Variants in CAMKMT observed in about 807,000 individuals in gnomAD.
CAMKMT encodes the protein calmodulin-lysine N-methyltransferase, also known as CaM KMT.
CAMKMT carries 53 observed loss-of-function variants against 48.0 expected under a neutral mutation model. The ratio of observed to expected loss-of-function variants is 1.10; its 90% CI spans 0.89 to 1.39. CAMKMT has a LOEUF of 1.39. Ranked by LOEUF, CAMKMT falls within the 40% of genes most tolerant of loss-of-function variation. CAMKMT has a pLI of 0.00. For missense variants in CAMKMT, 428 were observed against 402.7 expected (o/e 1.06, Z -0.54); for synonymous variants, 165 against 152.3 (o/e 1.08, Z -0.61).
chr2:44,742,236 G>A (rs1418354675), intron 7 of CAMKMT, among the ~76,000 whole-genome samples: 5 of 152,138 alleles, frequency 3.3e-5, no homozygotes, highest in Admixed American at 2.0e-4. Flanking sequence ...TGAGAAATCC[G>A]TAAACAACGT....
chr2:44,761,119 G>C (rs1403263157), intron 9 of CAMKMT, among the ~76,000 whole-genome samples: 1 of 152,186 alleles, frequency 6.6e-6, no homozygotes. Context: ...GGCCAACTGG[G>C]GAGGAGGCAC....
intron 10 of CAMKMT, among the ~76,000 whole-genome samples, chr2:44,771,327 C>G (rs956332210): frequency 6.6e-6 from 1 of 151,866 alleles, no homozygotes; most frequent in Non-Finnish European, 1.5e-5. Context: ...TTTTTATTTG[C>G]TAGAATAAAT....
intron 3 of CAMKMT, among the ~76,000 whole-genome samples, chr2:44,447,493 G>A (rs372370874): frequency 6.6e-6 from 1 of 152,102 alleles, no homozygotes; most frequent in Non-Finnish European, 1.5e-5. Context: ...ATAATAAACA[G>A]CCCATCCCCC....
chr2:44,524,439 T>C (rs954304850), intron 3 of CAMKMT, among the ~76,000 whole-genome samples: 56 of 152,176 alleles, frequency 3.7e-4, no homozygotes, highest in Non-Finnish European at 2.9e-5. Flanking sequence ...TTATTATTAT[T>C]GTTTTCCATT....
intron 3 of CAMKMT, among the ~76,000 whole-genome samples, chr2:44,592,420 G>A (rs958393462): frequency 1.3e-5 from 2 of 151,902 alleles, no homozygotes; most frequent in African/African-American, 4.8e-5. Context: ...AGAATCTATA[G>A]TGATGCCATC....
chr2:44,458,569 A>G (rs1452282874), intron 3 of CAMKMT, among the ~76,000 whole-genome samples: 1 of 152,218 alleles, frequency 6.6e-6, no homozygotes, highest in East Asian at 1.9e-4. Context: ...TGTGCTGTTC[A>G]GTCTTACTGT....
chr2:44,397,519 A>G (rs775274570), intron 3 of CAMKMT, among the ~76,000 whole-genome samples: 2 of 152,072 alleles, frequency 1.3e-5, no homozygotes, highest in African/African-American at 2.4e-5. Flanking sequence ...CTAGATGGCA[A>G]TTTCCCTAGC....
At chr2:44,495,556 C>T (rs998621550) in intron 3 of CAMKMT, among the ~76,000 whole-genome samples, 3 of 152,152 alleles carry the variant, frequency 2.0e-5, no homozygotes, top group African/African-American at 7.2e-5. Context: ...TTAAAAATGT[C>T]ATCACAATTC....
chr2:44,381,881 A>G (rs1008347042), intron 2 of CAMKMT, among the ~76,000 whole-genome samples: 4 of 151,966 alleles, frequency 2.6e-5, no homozygotes, highest in Non-Finnish European at 4.4e-5. Flanking sequence ...CTTTTATATT[A>G]AAACTTTTTT....
chr2:44,638,075 GAAAAAGAAAAAGA>G (rs1673238428), intron 3 of CAMKMT, among the ~76,000 whole-genome samples: 1 of 148,276 alleles, frequency 6.7e-6, no homozygotes, highest in African/African-American at 2.5e-5. Context: ...AAAAAAAAGA[GAAAAAGAAAAAGA>G]AAAAAGAAAA....
At chr2:44,441,174 T>A (rs545491163) in intron 3 of CAMKMT, among the ~76,000 whole-genome samples, 13 of 152,216 alleles carry the variant, frequency 8.5e-5, no homozygotes, top group Non-Finnish European at 1.6e-4. Flanking sequence ...AATATATGTT[T>A]ATATGCCAAG....
At chr2:44,409,079 C>T (rs1444141248) in intron 3 of CAMKMT, among the ~76,000 whole-genome samples, 1 of 132,680 alleles carries the variant, frequency 7.5e-6, no homozygotes, top group African/African-American at 3.1e-5. Context: ...TTATTTCAGC[C>T]GATATATATA....
At chr2:44,376,419 C>T (rs1341683991) in intron 2 of CAMKMT, among the ~76,000 whole-genome samples, 1 of 104,808 alleles carries the variant, frequency 9.5e-6, no homozygotes, top group African/African-American at 3.4e-5. Context: ...GACTCTGTAT[C>T]AAAAAAAAAA....
At chr2:44,665,066 T>G (rs72794004) in intron 3 of CAMKMT, among the ~76,000 whole-genome samples, 15,961 of 152,160 alleles carry the variant, frequency 0.1, 1,010 homozygotes, top group Admixed American at 0.2. Flanking sequence ...AGAGGTTTTT[T>G]TGTTTGTTTG....
At chr2:44,612,169 A>G (rs1043401192) in intron 3 of CAMKMT, among the ~76,000 whole-genome samples, 3 of 143,370 alleles carry the variant, frequency 2.1e-5, no homozygotes, top group Admixed American at 7.4e-5. Flanking sequence ...TAAACCTAAC[A>G]GGAAGCCGTT....
At chr2:44,386,848 T>C (rs954167140) in intron 2 of CAMKMT, among the ~76,000 whole-genome samples, 18 of 152,146 alleles carry the variant, frequency 1.2e-4, no homozygotes, top group African/African-American at 4.1e-4. Flanking sequence ...TGGAGTTGAT[T>C]TCCACTTTTA....
chr2:44,708,666 T>C (rs1280644274), intron 6 of CAMKMT, among the ~76,000 whole-genome samples: 1 of 152,184 alleles, frequency 6.6e-6, no homozygotes, highest in Admixed American at 6.6e-5. Context: ...TTCCTGAAGA[T>C]GAGCAGATGT....
chr2:44,512,724 A>G (rs1670630746), intron 3 of CAMKMT, among the ~76,000 whole-genome samples: 2 of 152,260 alleles, frequency 1.3e-5, no homozygotes, highest in Non-Finnish European at 2.9e-5. Context: ...ATTTTGAAAG[A>G]CATGATGTAT....
chr2:44,605,651 A>G (rs899973555), intron 3 of CAMKMT, among the ~76,000 whole-genome samples: 2 of 152,154 alleles, frequency 1.3e-5, no homozygotes, highest in African/African-American at 4.8e-5. Context: ...ATTTATTTCA[A>G]TACCTCAAGG....
Sources: gnomAD v4.1 joint callset for allele counts (sites outside exome capture counted in the v4.1 genomes callset) on GRCh38, gnomAD v4.1.1 for gene constraint, MANE v1.5 for transcripts, NCBI Gene and HGNC (gene_info 2026-07-23, HGNC 2026-07-21) for gene names.